The following ACACA variants were observed in gnomAD, a reference collection of about 807,000 sequenced individuals.
ACACA encodes acetyl-CoA carboxylase 1.
Under a neutral mutation model 296.1 loss-of-function variants are expected in ACACA, and 103 were observed. The ratio of observed to expected loss-of-function variants is 0.35; its 90% CI spans 0.30 to 0.41. The LOEUF (loss-of-function observed/expected upper bound fraction) is 0.41. Among genes scored for constraint, ACACA ranks in the 10% least tolerant of loss-of-function variants. The probability of loss-of-function intolerance (pLI) is 1.00; values close to 1 mark genes in which losing one functional copy is unlikely to be tolerated. For missense variants in ACACA, 1,554 were observed against 2,989.7 expected (o/e 0.52, Z 11.20); for synonymous variants, 953 against 1,038.6 (o/e 0.92, Z 1.58).
intron 20 of ACACA, 150 bp downstream of exon 20, chr17:37,244,930 A>G: frequency 7.4e-7 from 1 of 1,346,026 alleles, no homozygotes; most frequent in Non-Finnish European, 1.1e-6. Context: ...TAGTTCCATA[A>G]TACTACAGGC....
At chr17:37,151,903 G>A (rs529686623) in intron 43 of ACACA, among the ~76,000 whole-genome samples, 24 of 151,314 alleles carry the variant, frequency 1.6e-4, no homozygotes, top group East Asian at 2.0e-4. Context: ...CACGTGATCC[G>A]CCCACCTCAG....
intron 11 of ACACA, among the ~76,000 whole-genome samples, chr17:37,260,294 A>AT (rs2081440599): frequency 2.7e-4 from 4 of 14,706 alleles, no homozygotes; most frequent in Non-Finnish European, 2.4e-4. Flanking sequence ...ATATATATAT[A>AT]TATTTTTTTT....
rs60159898 is a variant in ACACA at position 37,282,569 on chromosome 17, T to C, written c.610+698A>G. ...ATTGTCTCAACAAAGAAAAAACATA[T>C]GCAGACTAAAATAAGTATAAAAGGA... On this transcript the variant is annotated intron_variant, in intron 5 of 55. Transcript: ENST00000616317. Among the ~76,000 whole-genome samples the C allele has an allele frequency of 6.5e-3, 982 of 152,244 alleles. 10 individuals carry two copies. Among genetic ancestry groups the C allele is most frequent in the African/African-American group, 0.022 (929 of 41,548 alleles).
At chr17:37,200,988 TAACCTTTCAGTTTTGATAC>T (rs1484909178) in intron 33 of ACACA, among the ~76,000 whole-genome samples, 1 of 152,262 alleles carries the variant, frequency 6.6e-6, no homozygotes, top group Non-Finnish European at 1.5e-5. Context: ...TAACAAATTG[TAACCTTTCAGTTTTGATAC>T]AACAGTCCCC....
chr17:37,180,750 T>C (rs1194995452), intron 40 of ACACA, among the ~76,000 whole-genome samples: 1 of 152,244 alleles, frequency 6.6e-6, no homozygotes, highest in Non-Finnish European at 1.5e-5. Context: ...ATGAACTCTA[T>C]ATCCATTTGT....
intron 16 of ACACA, among the ~76,000 whole-genome samples, chr17:37,250,881 G>A (rs1013667868): frequency 6.6e-6 from 1 of 151,888 alleles, no homozygotes. Context: ...AAAAAAATTA[G>A]CCGGGCCTGG....
intron 1 of ACACA, among the ~76,000 whole-genome samples, chr17:37,374,533 C>T (rs1458214644): frequency 3.9e-5 from 6 of 152,134 alleles, no homozygotes; most frequent in Non-Finnish European, 7.3e-5. Flanking sequence ...GTCATCCACC[C>T]GCCTCAGCCA....
chr17:37,333,965 C>A (rs1283387847), intron 2 of ACACA, among the ~76,000 whole-genome samples: 1 of 151,906 alleles, frequency 6.6e-6, no homozygotes, highest in East Asian at 1.9e-4. Context: ...CAGATTCGGA[C>A]TTCCCCAAGG....
chr17:37,219,891 A>T (rs1357406353), intron 29 of ACACA, among the ~76,000 whole-genome samples: 2 of 151,860 alleles, frequency 1.3e-5, no homozygotes, highest in African/African-American at 2.4e-5. Flanking sequence ...AAATTTTAAC[A>T]TTTTTCTGGT....
chr17:37,189,972 CA>C (rs1186559573), intron 38 of ACACA, among the ~76,000 whole-genome samples: 1 of 141,514 alleles, frequency 7.1e-6, no homozygotes, highest in Non-Finnish European at 1.5e-5. Flanking sequence ...GCCAGGAGTT[CA>C]AGACTAGCCT....
At chr17:37,404,196 GCCTT>G (rs2051387239) in intron 1 of ACACA, among the ~76,000 whole-genome samples, 1 of 152,148 alleles carries the variant, frequency 6.6e-6, no homozygotes, top group Admixed American at 6.6e-5. Flanking sequence ...CTGGATATTT[GCCTT>G]AGCCAGTCTC....
chr17:37,135,913 T>C (rs1174266011), intron 45 of ACACA, among the ~76,000 whole-genome samples: 1 of 135,884 alleles, frequency 7.4e-6, no homozygotes, highest in African/African-American at 2.9e-5. Flanking sequence ...ACAGGAATTC[T>C]TTTTTTTTTT....
At position 37,303,619 on chromosome 17, in the gene ACACA, A is replaced by C. The variant is rs573231502; in HGVS notation, c.339-18649T>G. On this transcript the variant is annotated intron_variant, in intron 3 of 55. Coordinates refer to ENST00000616317, the MANE Select transcript of ACACA (RefSeq NM_198834.3). ...ACGCCTATAATCCTAGCACTTTGGG[A>C]GGCCGAGGCAAGTGGATCACTTGAG... 5.9e-5 allele frequency among the ~76,000 whole-genome samples: 9 copies of C among 152,330 alleles called. No homozygotes were observed. In the South Asian group the frequency reaches 1.9e-3, roughly 32 times the overall value.
At chr17:37,227,441 G>A (rs1478029384) in intron 25 of ACACA, among the ~76,000 whole-genome samples, 1 of 152,076 alleles carries the variant, frequency 6.6e-6, no homozygotes, top group Non-Finnish European at 1.5e-5. Context: ...GCTGGGCAGG[G>A]TGGCTCACAC....
chr17:37,189,893 T>A (rs889887647), intron 38 of ACACA, among the ~76,000 whole-genome samples: 2 of 151,974 alleles, frequency 1.3e-5, no homozygotes, highest in Non-Finnish European at 2.9e-5. Flanking sequence ...AGCAAAAGTC[T>A]ACCAGGCATG....
rs2079545079 is a variant in ACACA at position 37,226,369 on chromosome 17, G to A, written c.3330C>T (p.Thr1110=). The change falls in exon 26 of 56, where the codon ACC becomes ACT. Residue 1110 remains threonine (T), a synonymous_variant. Coordinates refer to ENST00000616317, the MANE Select transcript of ACACA (RefSeq NM_198834.3). ...GTGCTCGAAGTGCTACTTTGGCATT[G>A]GTGGTCTTACTGAGTTGAGTTAGCT... The part of the protein sequence containing the change: ...LTELTQLSKT[T]NAKVALRARQ... 2 of 1,614,030 alleles carry A rather than the reference G, an allele frequency of 1.2e-6. No individual in the cohort carries two copies. Among genetic ancestry groups the A allele is most frequent in the East Asian group, 2.2e-5 (1 of 44,896 alleles).
At chr17:37,173,127 A>G (rs2076938885) in intron 41 of ACACA, among the ~76,000 whole-genome samples, 1 of 152,190 alleles carries the variant, frequency 6.6e-6, no homozygotes, top group Non-Finnish European at 1.5e-5. Flanking sequence ...TAAAAAATCT[A>G]ATGTTAAATA....
intron 52 of ACACA, among the ~76,000 whole-genome samples, chr17:37,104,090 T>A (rs1371619055): frequency 6.6e-6 from 1 of 152,046 alleles, no homozygotes; most frequent in Non-Finnish European, 1.5e-5. Flanking sequence ...GGGCCACACA[T>A]AAAATACACT....
At chr17:37,214,671 A>T (rs1394131417) in intron 29 of ACACA, among the ~76,000 whole-genome samples, 1 of 152,178 alleles carries the variant, frequency 6.6e-6, no homozygotes, top group Non-Finnish European at 1.5e-5. Context: ...CACAGCAGAG[A>T]CTAGAAGCTG....
Sources: gnomAD v4.1 joint callset for allele counts (sites outside exome capture counted in the v4.1 genomes callset) on GRCh38, gnomAD v4.1.1 for gene constraint, MANE v1.5 for transcripts, NCBI Gene and HGNC (gene_info 2026-07-23, HGNC 2026-07-21) for gene names.